GASK1A: variants seen among roughly 807,000 people sequenced by gnomAD.
GASK1A encodes Golgi-associated kinase 1A.
A neutral mutation model predicts 41.2 loss-of-function variants in GASK1A; 40 were observed. The observed-to-expected ratio is 0.97, with a 90% confidence interval of 0.75 to 1.27. The LOEUF is 1.27. Among genes scored for constraint, GASK1A ranks in the 50% most tolerant of loss-of-function variants. The pLI is 0.00. For missense variants in GASK1A, 678 were observed against 745.1 expected, an observed-to-expected ratio of 0.91 and a Z score of 1.05; for synonymous variants, 316 against 307.1, an observed-to-expected ratio of 1.03 and a Z score of -0.30.
intron 2 of GASK1A, among the ~76,000 whole-genome samples, chr3:43,042,636 C>G (rs774890586): frequency 2.1e-4 from 32 of 152,298 alleles, no homozygotes; most frequent in Non-Finnish European, 4.1e-4. Context: ...GGTGATTCTT[C>G]TTAGCTTTCT....
chr3:42,988,292 T>C (rs2089322833), intron 1 of GASK1A, among the ~76,000 whole-genome samples: 1 of 152,178 alleles, frequency 6.6e-6, no homozygotes, highest in Non-Finnish European at 1.5e-5. Context: ...TGTTTACTTG[T>C]GGGCAGTTTT....
intron 2 of GASK1A, among the ~76,000 whole-genome samples, chr3:43,050,998 G>A (rs924201753): frequency 6.6e-6 from 1 of 151,914 alleles, no homozygotes; most frequent in Non-Finnish European, 1.5e-5. Flanking sequence ...TTTATCTAAT[G>A]TCTGGGCTTC....
chr3:43,037,048 T>A, intron 2 of GASK1A: 1 of 498,758 alleles, frequency 2.0e-6, no homozygotes, highest in Non-Finnish European at 3.6e-6. Context: ...GTTTCCAAGG[T>A]GTGAAAAATT....
chr3:43,032,840 C>G lies in GASK1A; in HGVS notation c.577C>G (p.Leu193Val), dbSNP rs887392034. ...PAWRATSGLT[L>V]WPHTAEGRDL... is the part of the protein sequence containing the mutation. Reference sequence around the variant, plus strand: ...TTGGAGAGCTACTTCTGGGCTGACACTCTGGCCCCATACAGCAGAAGGCAG... The same window carrying G: ...TTGGAGAGCTACTTCTGGGCTGACAGTCTGGCCCCATACAGCAGAAGGCAG... The change falls in exon 2 of 5, where the codon CTC (leucine) becomes GTC (valine). Residue 193 changes from leucine to valine, a missense_variant. Physicochemically the swap from Leu to Val is conservative, Grantham distance 32. Coordinates refer to ENST00000430121, the MANE Select transcript of GASK1A (RefSeq NM_001129908.3). The G allele has an allele frequency of 6.5e-7, 1 of 1,548,604 alleles. No individual in the cohort carries two copies. The highest frequency in any genetic ancestry group is 1.4e-5 in the African/African-American group (1 of 73,038).
intron 2 of GASK1A, among the ~76,000 whole-genome samples, chr3:43,046,096 C>G (rs1430945518): frequency 6.6e-6 from 1 of 151,938 alleles, no homozygotes; most frequent in Non-Finnish European, 1.5e-5. Context: ...TATAAAGGTA[C>G]CTAAAAATGT....
intron 2 of GASK1A, chr3:43,037,208 G>T (rs533846371): frequency 1.2e-5 from 14 of 1,133,226 alleles, no homozygotes; most frequent in Non-Finnish European, 5.3e-6. Flanking sequence ...CTGGGGGATC[G>T]AAGTCCTCTG....
chr3:43,034,685 G>A (rs1458774572), intron 2 of GASK1A, among the ~76,000 whole-genome samples: 1 of 152,030 alleles, frequency 6.6e-6, no homozygotes, highest in African/African-American at 2.4e-5. Flanking sequence ...CATGGGGTTG[G>A]GTTTCTATTT....
At chr3:43,007,864 A>G (rs946155069) in intron 1 of GASK1A, among the ~76,000 whole-genome samples, 1 of 152,228 alleles carries the variant, frequency 6.6e-6, no homozygotes, top group Non-Finnish European at 1.5e-5. Context: ...AGGTGACCTG[A>G]TATCAGTCAG....
rs548862246 is a variant in GASK1A, at chr3:43,039,204, G to GTT, written c.1290+5651_1290+5652insTT. On this transcript the variant is annotated intron_variant, in intron 2 of 4. Coordinates refer to ENST00000430121, the MANE Select transcript of GASK1A (RefSeq NM_001129908.3). ...CTGCCACCAGGTAGTTTTTTTTTTT[G>GTT]GTTTTTTTTTTTTTTTGAGATGGAG... Among the ~76,000 whole-genome samples the GTT allele has an allele frequency of 3.2e-3, 434 of 136,558 alleles. 5 individuals carry two copies. The highest frequency in any genetic ancestry group is 7.9e-3 in the African/African-American group (291 of 37,030). 89.6% of individuals were successfully genotyped at this position (136,558 alleles called of 152,430 possible). A position where few individuals can be genotyped will look rare whatever the true frequency, so the allele number is the denominator to read the frequency against.
intron 2 of GASK1A, among the ~76,000 whole-genome samples, chr3:43,040,849 G>A (rs834186): frequency 0.72 from 96,081 of 133,846 alleles, 36,163 homozygotes; most frequent in East Asian, 0.85. Flanking sequence ...GTCATCTAGC[G>A]TTAGGTATAT....
chr3:42,979,485 C>A lies in GASK1A; in HGVS notation c.-158C>A. On this transcript the variant is annotated 5_prime_UTR_variant, in exon 1 of 5. Transcript: ENST00000430121. ...CGCAGGGCCACTTGGCTGCAGAGAA[C>A]GTGTGCACCTTCAGTCCGGGAAACC... 4.2e-6 allele frequency: 3 copies of A among 707,558 alleles called. No homozygotes were observed. The highest frequency in any genetic ancestry group is 1.8e-5 in the African/African-American group (1 of 54,784). 43.8% of individuals were successfully genotyped at this position (707,558 alleles called of 1,614,324 possible).
At chr3:43,005,210 C>G (rs59565527) in intron 1 of GASK1A, among the ~76,000 whole-genome samples, 6,831 of 152,308 alleles carry the variant, frequency 0.045, 540 homozygotes, top group African/African-American at 0.15. Context: ...CCGAATCCCT[C>G]TAACCACATA....
At chr3:42,993,902 G>T (rs986933309) in intron 1 of GASK1A, among the ~76,000 whole-genome samples, 1 of 152,182 alleles carries the variant, frequency 6.6e-6, no homozygotes, top group Non-Finnish European at 1.5e-5. Context: ...GGACTTTGTA[G>T]CTGTCTCATT....
intron 1 of GASK1A, among the ~76,000 whole-genome samples, chr3:43,001,195 G>T (rs2089406949): frequency 6.6e-6 from 1 of 152,178 alleles, no homozygotes; most frequent in Non-Finnish European, 1.5e-5. Flanking sequence ...CGCAGACATT[G>T]TGGGCCTAGT....
At chr3:42,999,032 TA>T (rs1489563682) in intron 1 of GASK1A, among the ~76,000 whole-genome samples, 9 of 152,316 alleles carry the variant, frequency 5.9e-5, no homozygotes, top group African/African-American at 2.2e-4. Flanking sequence ...TATCAGTGTG[TA>T]TAGCTGAAAT....
chr3:43,009,551 T>TAAG (rs2089453296), intron 1 of GASK1A, among the ~76,000 whole-genome samples: 1 of 152,228 alleles, frequency 6.6e-6, no homozygotes, highest in African/African-American at 2.4e-5. Context: ...ATCTCAGCTC[T>TAAG]TCTACTTAGA....
At chr3:42,987,234 G>C (rs149524417) in intron 1 of GASK1A, among the ~76,000 whole-genome samples, 3,964 of 152,286 alleles carry the variant, frequency 0.026, 156 homozygotes, top group African/African-American at 0.089. Flanking sequence ...GCCGGGGTCG[G>C]GTCATACAAT....
Position 43,025,477 on chromosome 3 carries a change from T to A in GASK1A, c.4-6790T>A, listed in dbSNP as rs1044624811. On this transcript the variant is annotated intron_variant, in intron 1 of 4. Coordinates refer to ENST00000430121, the MANE Select transcript of GASK1A (RefSeq NM_001129908.3). ...GGAGAACTGCTAGGTGACCCTGTGG[T>A]CCCTCCCTCTCTCCTTCACTCTTAG... 3.3e-5 allele frequency among the ~76,000 whole-genome samples: 5 copies of A among 152,150 alleles called. No individual in the cohort carries two copies. The East Asian group carries it at 9.6e-4, about 29-fold the overall frequency.
intron 2 of GASK1A, among the ~76,000 whole-genome samples, chr3:43,041,793 T>C (rs1188474188): frequency 6.6e-6 from 1 of 152,262 alleles, no homozygotes; most frequent in East Asian, 1.9e-4. Context: ...ATGGTAAATA[T>C]TAATGGAATG....
Sources: allele counts gnomAD v4.1 joint callset (sites outside exome capture counted in the v4.1 genomes callset), GRCh38; gene constraint gnomAD v4.1.1; transcripts MANE v1.5; gene names NCBI Gene and HGNC (gene_info 2026-07-23, HGNC 2026-07-21).